The following NUMB variants were observed in gnomAD, a reference collection of about 807,000 sequenced individuals.
NUMB encodes the protein protein numb homolog.
NUMB carries 29 observed loss-of-function variants against 59.7 expected under a neutral mutation model. The observed-to-expected ratio is 0.49, with a 90% CI of 0.36 to 0.66. NUMB has a LOEUF of 0.66. NUMB is among the 30% of genes least tolerant of loss of function. The pLI, the probability that NUMB is intolerant of heterozygous loss-of-function variation, is 0.00. For missense variants in NUMB, 723 were observed against 822.0 expected (o/e 0.88, Z 1.47); for synonymous variants, 288 against 288.2 (o/e 1.00, Z 0.01).
chr14:73,332,264 TC>T (rs2139950951), intron 4 of NUMB, among the ~76,000 whole-genome samples: 1 of 152,148 alleles, frequency 6.6e-6, no homozygotes, highest in African/African-American at 2.4e-5. Context: ...CTTTTTTTTT[TC>T]TTTTTTTTGA....
chr14:73,418,263 A>G (rs1210875989), intron 1 of NUMB, among the ~76,000 whole-genome samples: 2 of 152,244 alleles, frequency 1.3e-5, no homozygotes, highest in South Asian at 2.1e-4. Context: ...TTCCATGTAT[A>G]TAAGATAACC....
At chr14:73,290,805 C>T (rs75233343) in intron 8 of NUMB, among the ~76,000 whole-genome samples, 2,102 of 152,198 alleles carry the variant, frequency 0.014, 51 homozygotes, top group African/African-American at 0.048. Flanking sequence ...TCCGAAAAGC[C>T]AAAATCCAAA....
rs764707173 is a variant in NUMB, at chr14:73,277,209, C to G, written c.1325G>C (p.Arg442Pro). 1 of 1,613,930 alleles carries G rather than the reference C, an allele frequency of 6.2e-7. No homozygotes were observed. Among genetic ancestry groups the G allele is most frequent in the African/African-American group, 1.3e-5 (1 of 74,898 alleles). ...GHRRTPSEAD[R>P]WLEEVSKSVR... The stretch of plus-strand genomic sequence containing the variant: ...GCTCTTAGACACCTCTTCTAACCAT[C>G]GGTCGGCCTCAGAGGGAGTACGTCT... Residue 442 changes from arginine to proline, a missense_variant, in exon 13 of 13, where the codon CGA (arginine) becomes CCA (proline). Physicochemically the swap from Arg to Pro is moderately radical, Grantham distance 103. Coordinates refer to ENST00000555238, the MANE Select transcript of NUMB (RefSeq NM_001005743.2).
At position 73,403,479 on chromosome 14, in the gene NUMB, ATTCTGAGTAT is replaced by A. The variant is rs1896511126; in HGVS notation, c.-101+6448_-101+6457del. Among the ~76,000 whole-genome samples the A allele has an allele frequency of 2.0e-5, 3 of 152,238 alleles. No homozygotes were observed. In the South Asian group the frequency reaches 6.2e-4, roughly 31 times the overall value. On this transcript the variant is annotated intron_variant, in intron 2 of 12. Transcript: ENST00000555238. ...AAATTACAATCTCCTGATGAGGACT[ATTCTGAGTAT>A]TTGCTCAGGAAGCTGTGAGAAGCCT...
In NUMB at chr14:73,381,408, C is replaced by T. The variant is rs554996099; in HGVS notation, c.-100-14427G>A. 1.1e-4 allele frequency among the ~76,000 whole-genome samples: 16 copies of T among 151,956 alleles called. No homozygotes were observed. The South Asian group carries it at 2.3e-3, about 22-fold the overall frequency. On this transcript the variant is annotated intron_variant, in intron 2 of 12. Transcript: ENST00000555238. Reference sequence around the variant, plus strand: ...TTAATATGGCTTATAAAGCTTGAAACGATTTAGCCCTTGCCCATCAGACCA... The same window carrying T: ...TTAATATGGCTTATAAAGCTTGAAATGATTTAGCCCTTGCCCATCAGACCA...
In NUMB at chr14:73,292,777, G is replaced by C. The variant is rs754151940; in HGVS notation, c.407C>G (p.Thr136Ser). The C allele has an allele frequency of 3.7e-6, 6 of 1,614,236 alleles. No individual in the cohort carries two copies. In the South Asian group the frequency reaches 6.6e-5, roughly 18 times the overall value. ...AFSYICRDGTTRRWICHCFMA... is the reference protein window; with the variant it reads ...AFSYICRDGTSRRWICHCFMA... ...GAAGCAGTGACAGATCCAGCGACGA[G>C]TGGTGCCATCACGGCATATGTAAGA... Residue 136 changes from threonine (T) to serine (S), a missense_variant, in exon 8 of 13, where the codon ACT (threonine) becomes AGT (serine). Transcript: ENST00000555238.
chr14:73,383,552 A>G (rs928197733), intron 2 of NUMB, among the ~76,000 whole-genome samples: 2 of 152,228 alleles, frequency 1.3e-5, no homozygotes, highest in Admixed American at 6.5e-5. Context: ...AGACAGAAGC[A>G]ATATCAGAAG....
chr14:73,456,711 G>A (rs113450624), intron 1 of NUMB, among the ~76,000 whole-genome samples: 319 of 152,306 alleles, frequency 2.1e-3, no homozygotes, highest in Middle Eastern at 3.4e-3. Context: ...GCCTCTACCT[G>A]TCTCTTTAGC....
chr14:73,368,310 T>C (rs1894479067), intron 2 of NUMB, among the ~76,000 whole-genome samples: 1 of 152,168 alleles, frequency 6.6e-6, no homozygotes, highest in Admixed American at 6.5e-5. Context: ...GCACAGTGGC[T>C]CACGCCTGTT....
intron 1 of NUMB, among the ~76,000 whole-genome samples, chr14:73,444,555 A>G (rs930157692): frequency 1.3e-5 from 2 of 152,174 alleles, no homozygotes; most frequent in African/African-American, 2.4e-5. Context: ...ACTCATCTCA[A>G]TATTTATTTG....
intron 1 of NUMB, among the ~76,000 whole-genome samples, chr14:73,445,381 A>AAAAAAAAAAAAAAAAAAAC (rs1206147366): frequency 1.5e-5 from 2 of 129,790 alleles, no homozygotes; most frequent in Non-Finnish European, 3.3e-5. Flanking sequence ...AAAAAAAAAA[A>AAAAAAAAAAAAAAAAAAAC]AAAAAAAAAA....
chr14:73,419,384 C>T (rs1897263707), intron 1 of NUMB, among the ~76,000 whole-genome samples: 1 of 152,146 alleles, frequency 6.6e-6, no homozygotes, highest in Admixed American at 6.5e-5. Flanking sequence ...GTGGCGGGCG[C>T]CTGTAGTCCC....
chr14:73,358,896 C>G lies in NUMB; in HGVS notation c.-15-3130G>C, dbSNP rs75260473. On this transcript the variant is annotated intron_variant, in intron 3 of 12. Coordinates refer to ENST00000555238, the MANE Select transcript of NUMB (RefSeq NM_001005743.2). ...ACTAGGTAGGAAAAGTCTCAACATA[C>G]AAGACCAAAGAACCATCGATGCTGG... Among the ~76,000 whole-genome samples, 1,041 of 152,276 alleles carry G rather than the reference C, an allele frequency of 6.8e-3. 5 individuals are homozygous for G. Among genetic ancestry groups the G allele is most frequent in the South Asian group, 0.03 (144 of 4,830 alleles).
chr14:73,395,459 C>T (rs970493469), intron 2 of NUMB, among the ~76,000 whole-genome samples: 1 of 151,832 alleles, frequency 6.6e-6, no homozygotes, highest in Non-Finnish European at 1.5e-5. Context: ...CCCATCTCTA[C>T]AAAAGATACA....
rs76461752 is a variant in NUMB at position 73,394,239 on chromosome 14, C to G, written c.-101+15698G>C. 0.013 allele frequency among the ~76,000 whole-genome samples: 1,980 copies of G among 152,166 alleles called. 99 individuals are homozygous for G. The South Asian group carries it at 0.16, about 12-fold the overall frequency. ...GATTACAGGCGTGAGCCACTGCATC[C>G]CGGGAGACAAATAAAAATTATGTAT... On this transcript the variant is annotated intron_variant, in intron 2 of 12. Transcript: ENST00000555238.
intron 4 of NUMB, among the ~76,000 whole-genome samples, chr14:73,347,263 A>T (rs1403860313): frequency 6.6e-6 from 1 of 152,218 alleles, no homozygotes. Flanking sequence ...TTTTGAAGAT[A>T]AACTTTTATT....
intron 2 of NUMB, among the ~76,000 whole-genome samples, chr14:73,388,035 A>C (rs1895644532): frequency 1.3e-5 from 2 of 151,712 alleles, no homozygotes; most frequent in Admixed American, 1.3e-4. Context: ...TGAGACCAGG[A>C]GGTCAAGGCT....
intron 1 of NUMB, among the ~76,000 whole-genome samples, chr14:73,427,628 A>G (rs1436761821): frequency 6.6e-6 from 1 of 152,158 alleles, no homozygotes; most frequent in Non-Finnish European, 1.5e-5. Context: ...CAAGAAAGAG[A>G]AAACACAAGA....
At chr14:73,357,960 C>A (rs1893896814) in intron 3 of NUMB, among the ~76,000 whole-genome samples, 1 of 151,128 alleles carries the variant, frequency 6.6e-6, no homozygotes, top group Non-Finnish European at 1.5e-5. Flanking sequence ...TTCTTCATTT[C>A]TTCGTCTTAG....
Sources: allele counts gnomAD v4.1 joint callset (sites outside exome capture counted in the v4.1 genomes callset), GRCh38; gene constraint gnomAD v4.1.1; transcripts MANE v1.5; gene names NCBI Gene and HGNC (gene_info 2026-07-23, HGNC 2026-07-21).